The following PCDHGB2 variants were observed in gnomAD, a reference collection of about 807,000 sequenced individuals.
The protein encoded by PCDHGB2 is protocadherin gamma-B2.
A neutral mutation model predicts 59.3 loss-of-function variants in PCDHGB2; 55 were observed. That is an observed-to-expected ratio of 0.93 (90% CI 0.75 to 1.16). PCDHGB2 has a LOEUF of 1.16. Among genes scored for constraint, PCDHGB2 ranks in the 50% most tolerant of loss-of-function variants. The probability of loss-of-function intolerance (pLI) is 0.00; values close to 1 mark genes in which losing one functional copy is unlikely to be tolerated. For missense variants in PCDHGB2, 1,228 were observed against 1,198.5 expected (o/e 1.02, Z -0.36); for synonymous variants, 516 against 512.0 (o/e 1.01, Z -0.11).
chr5:141,375,703 G>C (rs776426026), intron 1 of PCDHGB2: 6 of 1,614,144 alleles, frequency 3.7e-6, no homozygotes, highest in Non-Finnish European at 5.1e-6. Context: ...GCGGGGACCC[G>C]CCTCTTAGCA....
chr5:141,487,361 A>C lies in PCDHGB2; in HGVS notation c.2422-7446A>C. On this transcript the variant is annotated intron_variant, in intron 1 of 3. Transcript: ENST00000522605. This position sits in a 1 kb window ranked among gnomAD's most constrained non-coding sequence, Gnocchi z 5.0. ...TGGAGTCACATGCTTTCCTGCTGGC[A>C]CCTGTGCCTGTCTCACCAGATCTCG... The C allele has an allele frequency of 1.2e-6, 2 of 1,613,834 alleles. No individual in the cohort carries two copies. Among genetic ancestry groups the C allele is most frequent in the East Asian group, 2.2e-5 (1 of 44,860 alleles).
chr5:141,361,069 G>C lies in PCDHGB2; in HGVS notation c.934G>C (p.Ala312Pro). The C allele has an allele frequency of 6.2e-7, 1 of 1,613,910 alleles. No homozygotes were observed. Among genetic ancestry groups the C allele is most frequent in the Non-Finnish European group, 8.5e-7 (1 of 1,179,838 alleles). ...AAAGGATGATTTGGATTTTGAGATT[G>C]CAAGTAGTTACACTCTGAGTATCGA... ...TTKDDLDFEIASSYTLSIEAK... is the reference protein window; with the variant it reads ...TTKDDLDFEIPSSYTLSIEAK... The change falls in exon 1 of 4, where the codon GCA (alanine) becomes CCA (proline). Residue 312 changes from alanine to proline, a missense_variant. Around this residue, in one of 3 missense-constraint regions of PCDHGB2, gnomAD observed 781 missense variants for 721.6 expected, o/e 1.08. Coordinates refer to ENST00000522605, the MANE Select transcript of PCDHGB2 (RefSeq NM_018923.3).
chr5:141,370,858 A>C (rs1028921774), intron 1 of PCDHGB2: 9 of 1,613,928 alleles, frequency 5.6e-6, no homozygotes, highest in Admixed American at 1.7e-5. Context: ...TTTGCCCTGG[A>C]ATCTGCGCAA....
chr5:141,453,752 T>C (rs1404363977), intron 1 of PCDHGB2, among the ~76,000 whole-genome samples: 10 of 152,364 alleles, frequency 6.6e-5, no homozygotes, highest in Admixed American at 5.9e-4. Flanking sequence ...AACATAAGTC[T>C]CCTAAAAATA....
intron 2 of PCDHGB2, among the ~76,000 whole-genome samples, chr5:141,503,994 A>C (rs1330628079): frequency 6.6e-6 from 1 of 152,158 alleles, no homozygotes; most frequent in Non-Finnish European, 1.5e-5. Context: ...CTTACCTTAC[A>C]GTCACTTAAC....
intron 1 of PCDHGB2, among the ~76,000 whole-genome samples, chr5:141,381,395 C>T (rs1588899901): frequency 6.6e-6 from 1 of 152,328 alleles, no homozygotes; most frequent in South Asian, 2.1e-4. Flanking sequence ...TAGTTTTACT[C>T]TATCAACATC....
intron 1 of PCDHGB2, chr5:141,403,145 C>T (rs749236674): frequency 2.5e-6 from 4 of 1,613,920 alleles, no homozygotes; most frequent in African/African-American, 1.3e-5. Flanking sequence ...GCGCCGAGTC[C>T]GCATCGTCTC....
At chr5:141,398,287 C>G in intron 1 of PCDHGB2, 1 of 1,396,196 alleles carries the variant, frequency 7.2e-7, no homozygotes, top group Non-Finnish European at 9.8e-7. Flanking sequence ...CGCCACGGAC[C>G]TGGGGTTCAG....
At chr5:141,500,452 G>C (rs554196222) in intron 2 of PCDHGB2, among the ~76,000 whole-genome samples, 1 of 151,506 alleles carries the variant, frequency 6.6e-6, no homozygotes, top group South Asian at 2.1e-4. Context: ...CTCGTGATCC[G>C]CCCGCCTCGG....
intron 1 of PCDHGB2, chr5:141,384,094 G>T: frequency 6.3e-7 from 1 of 1,596,384 alleles, no homozygotes. Flanking sequence ...AAAATCAATA[G>T]ATAATTATTA....
rs1429603639 is a variant in PCDHGB2 at position 141,415,751 on chromosome 5, T to TTG, written c.2421+53196_2421+53197insGT. 7.1e-5 allele frequency: 95 copies of TTG among 1,328,716 alleles called. No homozygotes were observed. The African/African-American group carries it at 1.1e-3, about 15-fold the overall frequency. 82.3% of individuals were successfully genotyped at this position (1,328,716 alleles called of 1,614,324 possible). Reference sequence around the variant, plus strand: ...TGATGTTTATTAAGGTTTTTTTTTTTTTTTTTTTTTTTTTTTTTTTTACTT... The same window carrying TTG: ...TGATGTTTATTAAGGTTTTTTTTTTTTGTTTTTTTTTTTTTTTTTTTTTACTT... On this transcript the variant is annotated intron_variant, in intron 1 of 3. Coordinates refer to ENST00000522605, the MANE Select transcript of PCDHGB2 (RefSeq NM_018923.3).
Position 141,362,099 on chromosome 5 carries a change from C to T in PCDHGB2, c.1964C>T (p.Ser655Phe). 1 of 1,613,886 alleles carries T rather than the reference C, an allele frequency of 6.2e-7. No individual in the cohort carries two copies. Among genetic ancestry groups the T allele is most frequent in the South Asian group, 1.1e-5 (1 of 91,086 alleles). Reference sequence around the variant, plus strand: ...CGTGATGGAGGACAGCCGCCACTCTCCGCTACGGCCACGCTGCACCTAATC... The same window carrying T: ...CGTGATGGAGGACAGCCGCCACTCTTCGCTACGGCCACGCTGCACCTAATC... ...AVRDGGQPPLSATATLHLIFA... is the reference protein window; with the variant it reads ...AVRDGGQPPLFATATLHLIFA... Residue 655 changes from serine to phenylalanine, a missense_variant, in exon 1 of 4, where the codon TCC becomes TTC. Physicochemically the swap from Ser to Phe is radical, Grantham distance 155. Around this residue, in one of 3 missense-constraint regions of PCDHGB2, gnomAD observed 433 missense variants for 441.8 expected, o/e 0.98. Transcript: ENST00000522605.
At chr5:141,435,271 T>C (rs1242477213) in intron 1 of PCDHGB2, among the ~76,000 whole-genome samples, 1 of 152,216 alleles carries the variant, frequency 6.6e-6, no homozygotes, top group African/African-American at 2.4e-5. Context: ...CCATTTATAC[T>C]TTCTCAGTAT....
At chr5:141,456,058 C>T (rs1488082918) in intron 1 of PCDHGB2, among the ~76,000 whole-genome samples, 3 of 151,880 alleles carry the variant, frequency 2.0e-5, no homozygotes, top group Admixed American at 6.6e-5. Context: ...CCACCACGTC[C>T]GGCTAATTTT....
intron 1 of PCDHGB2, chr5:141,375,224 C>G (rs1771263153): frequency 6.2e-7 from 1 of 1,613,976 alleles, no homozygotes; most frequent in Non-Finnish European, 8.5e-7. Flanking sequence ...CCTGAATGGC[C>G]TGGTAACCTG....
At chr5:141,422,724 G>T (rs560544401) in intron 1 of PCDHGB2, 3 of 1,606,016 alleles carry the variant, frequency 1.9e-6, no homozygotes, top group Admixed American at 3.3e-5. Context: ...CTGTCCAGGG[G>T]GTGCCTCTGT....
intron 1 of PCDHGB2, chr5:141,427,212 C>T (rs2097000434): frequency 4.4e-6 from 2 of 456,702 alleles, no homozygotes; most frequent in Non-Finnish European, 8.8e-6. Flanking sequence ...CTTCGAATTT[C>T]GTAGCAGTTA....
At chr5:141,481,811 G>T (rs1050821120) in intron 1 of PCDHGB2, among the ~76,000 whole-genome samples, 3 of 151,892 alleles carry the variant, frequency 2.0e-5, no homozygotes, top group Admixed American at 1.3e-4. Flanking sequence ...AATTCACCAG[G>T]CGTGGTGGCT....
At chr5:141,430,392 A>G (rs2097281137) in intron 1 of PCDHGB2, among the ~76,000 whole-genome samples, 1 of 152,136 alleles carries the variant, frequency 6.6e-6, no homozygotes, top group Non-Finnish European at 1.5e-5. Context: ...GGAAAAAAAA[A>G]AAAAGCTCAC....
Sources: gnomAD v4.1 joint callset for allele counts (sites outside exome capture counted in the v4.1 genomes callset) on GRCh38, gnomAD v4.1.1 for gene constraint, gnomAD v4.1.1 regional missense constraint, Gnocchi (gnomAD v3.1) non-coding constraint, MANE v1.5 for transcripts, NCBI Gene and HGNC (gene_info 2026-07-23, HGNC 2026-07-21) for gene names.